The following CTNND2 variants were observed in gnomAD, a reference collection of about 807,000 sequenced individuals.
The protein encoded by CTNND2 is catenin delta 2.
A neutral mutation model predicts 144.4 loss-of-function variants in CTNND2; 22 were observed. The ratio of observed to expected loss-of-function variants is 0.15; its 90% confidence interval spans 0.11 to 0.22. The LOEUF (loss-of-function observed/expected upper bound fraction) is 0.22. Ranked by LOEUF, CTNND2 falls within the 10% of genes least tolerant of loss-of-function variation. The probability of loss-of-function intolerance (pLI) is 1.00; values close to 1 mark genes in which losing one functional copy is unlikely to be tolerated. For missense variants in CTNND2, 1,353 were observed against 1,618.8 expected, an observed-to-expected ratio of 0.84 and a Z score of 2.82; for synonymous variants, 751 against 695.6, an observed-to-expected ratio of 1.08 and a Z score of -1.25.
At chr5:11,726,072 G>A (rs569528410) in intron 2 of CTNND2, among the ~76,000 whole-genome samples, 62 of 152,188 alleles carry the variant, frequency 4.1e-4, no homozygotes, top group Non-Finnish European at 7.9e-4. Context: ...TTTTCCAAGC[G>A]AATTTTTAAG....
chr5:11,240,225 A>T (rs1423152002), intron 9 of CTNND2, among the ~76,000 whole-genome samples: 3 of 117,974 alleles, frequency 2.5e-5, no homozygotes, highest in African/African-American at 6.5e-5. Flanking sequence ...CACACACCCA[A>T]CACACACACA....
intron 2 of CTNND2, among the ~76,000 whole-genome samples, chr5:11,651,870 TTTTTA>T (rs969032812): frequency 2.0e-5 from 3 of 152,166 alleles, no homozygotes; most frequent in African/African-American, 7.2e-5. Context: ...CAATAATTTG[TTTTTA>T]TTTTATTTAT....
intron 3 of CTNND2, among the ~76,000 whole-genome samples, chr5:11,529,353 A>T (rs1332125396): frequency 6.6e-6 from 1 of 152,258 alleles, no homozygotes; most frequent in Non-Finnish European, 1.5e-5. Flanking sequence ...TGCTTTATAA[A>T]ACCAAAGCGT....
At chr5:11,560,221 T>C (rs1337180748) in intron 3 of CTNND2, among the ~76,000 whole-genome samples, 4 of 152,214 alleles carry the variant, frequency 2.6e-5, no homozygotes, top group Non-Finnish European at 4.4e-5. Flanking sequence ...ATTATTGTCA[T>C]AAATCATCAT....
At chr5:11,857,646 T>C (rs147988169) in intron 1 of CTNND2, among the ~76,000 whole-genome samples, 61 of 152,256 alleles carry the variant, frequency 4.0e-4, no homozygotes, top group African/African-American at 1.4e-3. Context: ...CTGATATATA[T>C]TAAGTACGGG....
At chr5:11,159,887 G>A in intron 11 of CTNND2, 128 bp from the exon 12 acceptor site, 3 of 661,800 alleles carry the variant, frequency 4.5e-6, no homozygotes, top group Non-Finnish European at 7.4e-6. Flanking sequence ...ACATCCTAGA[G>A]TGTGTCCTTA....
intron 2 of CTNND2, among the ~76,000 whole-genome samples, chr5:11,624,967 AAAAC>A (rs976576000): frequency 2.0e-5 from 3 of 152,100 alleles, no homozygotes; most frequent in South Asian, 2.1e-4. Flanking sequence ...CTGTAAAACC[AAAAC>A]AAACAAAAAT....
At chr5:11,025,007 T>C (rs959286186) in intron 16 of CTNND2, among the ~76,000 whole-genome samples, 2 of 152,356 alleles carry the variant, frequency 1.3e-5, no homozygotes, top group African/African-American at 2.4e-5. Context: ...GTCACTGTTA[T>C]ATTTAACTTA....
intron 1 of CTNND2, among the ~76,000 whole-genome samples, chr5:11,870,223 T>C (rs995882219): frequency 1.3e-5 from 2 of 152,290 alleles, no homozygotes; most frequent in African/African-American, 4.8e-5. Context: ...CATTTGGCAA[T>C]CCCTAGAGAC....
chr5:11,272,755 C>T lies in CTNND2; in HGVS notation c.1629-35932G>A, dbSNP rs1374841767. On this transcript the variant is annotated intron_variant, in intron 9 of 21. Transcript: ENST00000304623. ...CTACTTAGACTCAAGGGGCAAAGGGCGACTTTACTAAAATATATTAGGGCA... is the reference window on the plus strand; with the variant it reads ...CTACTTAGACTCAAGGGGCAAAGGGTGACTTTACTAAAATATATTAGGGCA... 3.9e-5 allele frequency among the ~76,000 whole-genome samples: 6 copies of T among 152,206 alleles called. No homozygotes were observed. The East Asian group carries it at 7.7e-4, about 20-fold the overall frequency.
chr5:11,165,423 T>C (rs1318855840), intron 11 of CTNND2, among the ~76,000 whole-genome samples: 1 of 152,198 alleles, frequency 6.6e-6, no homozygotes, highest in Non-Finnish European at 1.5e-5. Context: ...TCATAACAAA[T>C]TACCCTGTTT....
intron 1 of CTNND2, among the ~76,000 whole-genome samples, chr5:11,812,240 C>T (rs1042815399): frequency 1.3e-5 from 2 of 152,288 alleles, no homozygotes; most frequent in African/African-American, 4.8e-5. Context: ...GGGAGAGGTA[C>T]TGCTTTTTCT....
intron 9 of CTNND2, among the ~76,000 whole-genome samples, chr5:11,341,675 T>C (rs1754290595): frequency 6.6e-6 from 1 of 152,228 alleles, no homozygotes; most frequent in African/African-American, 2.4e-5. Context: ...GTTTAAACTT[T>C]AATATTTAAA....
chr5:11,512,527 T>C (rs1251345485), intron 3 of CTNND2, among the ~76,000 whole-genome samples: 1 of 152,264 alleles, frequency 6.6e-6, no homozygotes, highest in Non-Finnish European at 1.5e-5. Context: ...GGTTATCATG[T>C]ATTTGTGCCA....
intron 2 of CTNND2, among the ~76,000 whole-genome samples, chr5:11,585,755 A>C (rs2150136094): frequency 6.6e-6 from 1 of 151,590 alleles, no homozygotes; most frequent in South Asian, 2.1e-4. Flanking sequence ...TAAGTAGAAT[A>C]ATTAAGAACA....
intron 3 of CTNND2, among the ~76,000 whole-genome samples, chr5:11,477,334 T>C (rs918686324): frequency 1.3e-5 from 2 of 152,114 alleles, no homozygotes; most frequent in Non-Finnish European, 2.9e-5. Context: ...ATATACCTGT[T>C]AGGGAGACTC....
chr5:11,903,472 G>T lies in CTNND2; in HGVS notation c.37+345C>A. ...CCCGTATATTAGGGACGTCATGAAT[G>T]CACCGAGTATGTTCTCAGGGTGGCG... On this transcript the variant is annotated intron_variant, in intron 1 of 21. Coordinates refer to ENST00000304623, the MANE Select transcript of CTNND2 (RefSeq NM_001332.4). This position sits in a 1 kb window ranked among gnomAD's most constrained non-coding sequence, Gnocchi z 5.4. 1.9e-5 allele frequency: 13 copies of T among 684,340 alleles called. No homozygotes were observed. Among genetic ancestry groups the T allele is most frequent in the East Asian group, 8.8e-5 (1 of 11,306 alleles). 42.4% of individuals were successfully genotyped at this position (684,340 alleles called of 1,614,324 possible). A position where few individuals can be genotyped will look rare whatever the true frequency, so the allele number is the denominator to read the frequency against.
chr5:11,706,894 G>A (rs1785728672), intron 2 of CTNND2, among the ~76,000 whole-genome samples: 1 of 151,924 alleles, frequency 6.6e-6, no homozygotes, highest in Admixed American at 6.6e-5. Context: ...GACCATCCTG[G>A]CTAACGCGGT....
chr5:11,555,018 T>A (rs1189403464), intron 3 of CTNND2, among the ~76,000 whole-genome samples: 2 of 151,922 alleles, frequency 1.3e-5, no homozygotes, highest in African/African-American at 4.8e-5. Context: ...AACATAGAAA[T>A]ACTTAAGATT....
Sources: allele counts gnomAD v4.1 joint callset (sites outside exome capture counted in the v4.1 genomes callset), GRCh38; gene constraint gnomAD v4.1.1; non-coding constraint Gnocchi (gnomAD v3.1); transcripts MANE v1.5; gene names NCBI Gene and HGNC (gene_info 2026-07-23, HGNC 2026-07-21).